Variants in RAB30 observed in about 807,000 individuals in gnomAD.
The protein encoded by RAB30 is ras-related protein Rab-30.
RAB30 carries 9 observed loss-of-function variants against 25.1 expected under a neutral mutation model. The observed-to-expected ratio is 0.36, with a 90% confidence interval of 0.22 to 0.63. RAB30 has a LOEUF of 0.63. Among genes scored for constraint, RAB30 ranks in the 20% least tolerant of loss-of-function variants. RAB30 has a pLI of 0.69. For missense variants in RAB30, 140 were observed against 243.5 expected, an observed-to-expected ratio of 0.58 and a Z score of 2.83; for synonymous variants, 77 against 86.4, an observed-to-expected ratio of 0.89 and a Z score of 0.60.
intron 1 of RAB30, 139 bp from the exon 2 acceptor site, chr11:82,997,463 G>C: frequency 1.6e-6 from 1 of 627,818 alleles, no homozygotes; most frequent in South Asian, 1.9e-5. Context: ...CGGTGACCCT[G>C]CCAGCTAGAC....
At chr11:83,057,740 A>G (rs899676899) in intron 1 of RAB30, among the ~76,000 whole-genome samples, 2 of 152,208 alleles carry the variant, frequency 1.3e-5, no homozygotes, top group Non-Finnish European at 2.9e-5. Context: ...TGGATAACTA[A>G]ATGTGATTTG....
intron 1 of RAB30, among the ~76,000 whole-genome samples, chr11:83,012,047 T>C (rs150880474): frequency 1.3e-5 from 2 of 152,306 alleles, no homozygotes; most frequent in African/African-American, 2.4e-5. Flanking sequence ...AGGAGTGTGA[T>C]ACTTTTGTGC....
At chr11:82,998,472 T>C (rs1857006737) in intron 1 of RAB30, among the ~76,000 whole-genome samples, 2 of 148,560 alleles carry the variant, frequency 1.3e-5, no homozygotes, top group Admixed American at 1.4e-4. Flanking sequence ...CGCTTGAACC[T>C]GGGAGGCAGA....
intron 1 of RAB30, among the ~76,000 whole-genome samples, chr11:83,051,089 G>A (rs1437476105): frequency 6.6e-6 from 1 of 152,180 alleles, no homozygotes; most frequent in East Asian, 1.9e-4. Flanking sequence ...TCAATAGATT[G>A]AGGACAGAAG....
chr11:83,046,965 T>G (rs1858248304), intron 1 of RAB30, among the ~76,000 whole-genome samples: 1 of 152,214 alleles, frequency 6.6e-6, no homozygotes, highest in South Asian at 2.1e-4. Flanking sequence ...ATTTTAACAT[T>G]CTAATTCTGC....
intron 1 of RAB30, among the ~76,000 whole-genome samples, chr11:83,063,190 C>T (rs1858622326): frequency 6.6e-6 from 1 of 152,076 alleles, no homozygotes; most frequent in Non-Finnish European, 1.5e-5. Flanking sequence ...ACACCTGCTT[C>T]TCTAAAGAAA....
chr11:82,996,485 A>G (rs1429496059), intron 2 of RAB30, among the ~76,000 whole-genome samples: 1 of 152,230 alleles, frequency 6.6e-6, no homozygotes, highest in Non-Finnish European at 1.5e-5. Flanking sequence ...AATTCAAGAT[A>G]TGTATGTAAT....
chr11:83,069,750 GA>G (rs1395485130), intron 1 of RAB30, among the ~76,000 whole-genome samples: 1 of 152,238 alleles, frequency 6.6e-6, no homozygotes, highest in East Asian at 1.9e-4. Flanking sequence ...AGGTGCCAGT[GA>G]AAGGAAAAGT....
chr11:83,048,967 A>C (rs1047852825), intron 1 of RAB30, among the ~76,000 whole-genome samples: 2 of 152,236 alleles, frequency 1.3e-5, no homozygotes, highest in Non-Finnish European at 2.9e-5. Flanking sequence ...GCATCCACTC[A>C]AGCTCGAAAA....
At chr11:83,069,508 G>C (rs1858783189) in intron 1 of RAB30, among the ~76,000 whole-genome samples, 1 of 152,080 alleles carries the variant, frequency 6.6e-6, no homozygotes, top group Non-Finnish European at 1.5e-5. Flanking sequence ...TGTCCTCCAA[G>C]TATCTTCAAA....
chr11:83,042,723 A>C (rs1344496722), intron 1 of RAB30, among the ~76,000 whole-genome samples: 2 of 152,208 alleles, frequency 1.3e-5, no homozygotes. Context: ...GGAAATATAC[A>C]ACCTCAGCTT....
intron 2 of RAB30, among the ~76,000 whole-genome samples, 168 bp from the exon 3 acceptor site, chr11:82,994,290 G>A (rs1447649543): frequency 6.6e-6 from 1 of 152,164 alleles, no homozygotes; most frequent in Non-Finnish European, 1.5e-5. Flanking sequence ...AACTCTGTAT[G>A]TATGTCTTGA....
chr11:83,056,911 C>T (rs201215896), intron 1 of RAB30, among the ~76,000 whole-genome samples: 2 of 152,104 alleles, frequency 1.3e-5, no homozygotes, highest in Non-Finnish European at 2.9e-5. Context: ...GCAAACATGC[C>T]ATTTTGCTTC....
At chr11:83,049,985 T>TG (rs1162697412) in intron 1 of RAB30, among the ~76,000 whole-genome samples, 1 of 152,138 alleles carries the variant, frequency 6.6e-6, no homozygotes, top group Non-Finnish European at 1.5e-5. Flanking sequence ...GGGCCAAGCA[T>TG]GGTGGCTCAT....
At chr11:82,989,890 T>C (rs1360484112) in intron 3 of RAB30, among the ~76,000 whole-genome samples, 1 of 152,220 alleles carries the variant, frequency 6.6e-6, no homozygotes, top group Non-Finnish European at 1.5e-5. Context: ...CATTAATATA[T>C]GCAAGGTACT....
intron 2 of RAB30, among the ~76,000 whole-genome samples, chr11:82,995,298 G>C (rs1434217594): frequency 3.3e-5 from 5 of 152,228 alleles, no homozygotes; most frequent in African/African-American, 4.8e-5. Flanking sequence ...GTTTGCAAAA[G>C]ATGTAAATAT....
intron 1 of RAB30, among the ~76,000 whole-genome samples, chr11:83,070,159 T>C (rs968430200): frequency 1.3e-5 from 2 of 151,972 alleles, no homozygotes; most frequent in Admixed American, 1.3e-4. Context: ...GAAATGAAAG[T>C]ACAGGAGAGA....
chr11:83,066,024 T>A (rs1019353025), intron 1 of RAB30, among the ~76,000 whole-genome samples: 3 of 152,216 alleles, frequency 2.0e-5, no homozygotes, highest in African/African-American at 7.2e-5. Context: ...GTTAGGCTAA[T>A]CTTGAGGAGG....
intron 1 of RAB30, among the ~76,000 whole-genome samples, chr11:83,042,487 G>C (rs1047382505): frequency 1.2e-4 from 19 of 152,052 alleles, no homozygotes; most frequent in Admixed American, 1.2e-3. Context: ...CCAGGAGGCA[G>C]AGGTTGCAGT....
Sources: gnomAD v4.1 joint callset for allele counts (sites outside exome capture counted in the v4.1 genomes callset) on GRCh38, gnomAD v4.1.1 for gene constraint, MANE v1.5 for transcripts, NCBI Gene and HGNC (gene_info 2026-07-23, HGNC 2026-07-21) for gene names.